Variants in EBF1 observed in about 807,000 individuals in gnomAD.
EBF1 encodes EBF transcription factor 1.
A neutral mutation model predicts 68.4 loss-of-function variants in EBF1; 10 were observed. The observed-to-expected ratio is 0.15, with a 90% CI of 0.09 to 0.25. The LOEUF is 0.25. EBF1 is among the 10% of genes least tolerant of loss of function. The pLI, the probability that EBF1 is intolerant of heterozygous loss-of-function variation, is 1.00. For missense variants in EBF1, 509 were observed against 794.4 expected, an observed-to-expected ratio of 0.64 and a Z score of 4.32; for synonymous variants, 298 against 299.8, an observed-to-expected ratio of 0.99 and a Z score of 0.06.
chr5:159,055,639 G>T (rs1024162666), intron 6 of EBF1, among the ~76,000 whole-genome samples: 1 of 152,138 alleles, frequency 6.6e-6, no homozygotes, highest in Admixed American at 6.5e-5. Flanking sequence ...GCATAGTAGG[G>T]AATTAACCTA....
chr5:158,967,754 T>C (rs1444752581), intron 6 of EBF1, among the ~76,000 whole-genome samples: 2 of 152,192 alleles, frequency 1.3e-5, no homozygotes, highest in African/African-American at 4.8e-5. Context: ...AAGGCACATG[T>C]TAGCCCTGCT....
chr5:158,896,083 AAAAG>A (rs1243959886), intron 6 of EBF1, among the ~76,000 whole-genome samples: 1 of 152,214 alleles, frequency 6.6e-6, no homozygotes. Flanking sequence ...CAAAGTCAAT[AAAAG>A]AAAGAAATAA....
chr5:158,988,093 T>A (rs1309159516), intron 6 of EBF1, among the ~76,000 whole-genome samples: 2 of 152,182 alleles, frequency 1.3e-5, no homozygotes, highest in East Asian at 3.8e-4. Flanking sequence ...TGGAACATAG[T>A]AGGTGCTTAA....
intron 6 of EBF1, among the ~76,000 whole-genome samples, chr5:158,906,157 C>T (rs535918746): frequency 1.5e-4 from 23 of 151,902 alleles, no homozygotes; most frequent in Admixed American, 1.4e-3. Context: ...ACACACCTCC[C>T]CTCAAAGCTT....
At chr5:158,989,525 G>T (rs1296848812) in intron 6 of EBF1, among the ~76,000 whole-genome samples, 1 of 152,132 alleles carries the variant, frequency 6.6e-6, no homozygotes, top group African/African-American at 2.4e-5. Context: ...CCAATTGCAG[G>T]CATCCCTGTG....
intron 6 of EBF1, among the ~76,000 whole-genome samples, chr5:158,887,462 T>G (rs1273953312): frequency 6.6e-6 from 1 of 152,224 alleles, no homozygotes; most frequent in Non-Finnish European, 1.5e-5. Flanking sequence ...TGCAAAATTC[T>G]TGGGCCTAGA....
chr5:159,018,485 C>G (rs1448505169), intron 6 of EBF1, among the ~76,000 whole-genome samples: 2 of 152,230 alleles, frequency 1.3e-5, no homozygotes, highest in African/African-American at 4.8e-5. Flanking sequence ...GAGGCAGATA[C>G]ACAGTGAGTG....
In EBF1 at chr5:158,713,551, T is replaced by C. The variant is rs1284427320; in HGVS notation, c.1192-404A>G. On this transcript the variant is annotated intron_variant, in intron 12 of 15. Coordinates refer to ENST00000313708, the MANE Select transcript of EBF1 (RefSeq NM_024007.5). ...TACCCAGGGGGAGAGGAAGAGAGGC[T>C]GCAATTCACCTCCCCTATTGATGTT... Among the ~76,000 whole-genome samples, 3 of 152,178 alleles carry C rather than the reference T, an allele frequency of 2.0e-5. No homozygotes were observed. In the East Asian group the frequency reaches 5.8e-4, roughly 29 times the overall value.
intron 6 of EBF1, among the ~76,000 whole-genome samples, chr5:158,856,101 C>G (rs1441062348): frequency 4.6e-5 from 7 of 152,166 alleles, no homozygotes; most frequent in Admixed American, 4.6e-4. Flanking sequence ...AACAGAGATC[C>G]TTAATTCTTC....
At position 158,699,112 on chromosome 5, in the gene EBF1, C is replaced by A. The variant is rs771077164; in HGVS notation, c.1775G>T (p.Ter592LeuextTer9). The change falls in exon 16 of 16, where the codon TGA becomes TTA. Residue 592 changes from the stop codon to leucine, a stop_lost. Transcript: ENST00000313708. ...AISGMIVPPM* is the reference protein window; with the variant it reads ...AISGMIVPPML ...ATACAATTCTTCAAGGCAATTCTTT[C>A]ACATAGGAGGAACAATCATGCCAGA... 6.2e-7 allele frequency: 1 copy of A among 1,607,378 alleles called. No homozygotes were observed. The highest frequency in any genetic ancestry group is 8.5e-7 in the Non-Finnish European group (1 of 1,177,024).
chr5:159,021,389 A>G (rs1467756625), intron 6 of EBF1, among the ~76,000 whole-genome samples: 3 of 152,216 alleles, frequency 2.0e-5, no homozygotes, highest in Non-Finnish European at 4.4e-5. Flanking sequence ...GTGGTTTCCA[A>G]ACAGAATTCT....
intron 6 of EBF1, among the ~76,000 whole-genome samples, chr5:159,027,843 T>C (rs966098094): frequency 3.9e-5 from 6 of 152,170 alleles, no homozygotes; most frequent in African/African-American, 9.7e-5. Flanking sequence ...TTTGAGTAGA[T>C]CTTTGCAGCT....
At chr5:158,717,657 T>C (rs1761040684) in intron 11 of EBF1, among the ~76,000 whole-genome samples, 1 of 152,066 alleles carries the variant, frequency 6.6e-6, no homozygotes, top group Non-Finnish European at 1.5e-5. Context: ...AAATCCCTTT[T>C]GGGAATTAAA....
chr5:159,029,456 G>A (rs1768340646), intron 6 of EBF1, among the ~76,000 whole-genome samples: 1 of 152,168 alleles, frequency 6.6e-6, no homozygotes, highest in South Asian at 2.1e-4. Context: ...GGATTCTGCA[G>A]AGGGGCTTCA....
intron 6 of EBF1, among the ~76,000 whole-genome samples, chr5:158,898,883 G>A (rs1052200393): frequency 6.6e-6 from 1 of 152,132 alleles, no homozygotes; most frequent in African/African-American, 2.4e-5. Context: ...AAGAAATGTG[G>A]GAACGAAGCT....
At chr5:158,927,873 C>T (rs1810018013) in intron 6 of EBF1, among the ~76,000 whole-genome samples, 1 of 152,220 alleles carries the variant, frequency 6.6e-6, no homozygotes, top group Non-Finnish European at 1.5e-5. Context: ...ACCCTCTTTA[C>T]AGTTGAGGAA....
At chr5:158,845,446 G>A (rs532697655) in intron 6 of EBF1, among the ~76,000 whole-genome samples, 30 of 152,186 alleles carry the variant, frequency 2.0e-4, no homozygotes, top group African/African-American at 4.1e-4. Context: ...GAGGAACATC[G>A]GAACCTACTT....
intron 6 of EBF1, among the ~76,000 whole-genome samples, chr5:159,048,414 C>T (rs919967540): frequency 1.3e-5 from 2 of 152,184 alleles, no homozygotes; most frequent in Non-Finnish European, 2.9e-5. Context: ...CCTTCCACGG[C>T]ATGCCAACTC....
At chr5:158,874,236 T>C (rs1562185009) in intron 6 of EBF1, among the ~76,000 whole-genome samples, 1 of 152,184 alleles carries the variant, frequency 6.6e-6, no homozygotes, top group Non-Finnish European at 1.5e-5. Flanking sequence ...GCTTTTGATA[T>C]TTATTAACAT....
Sources: gnomAD v4.1 joint callset for allele counts (sites outside exome capture counted in the v4.1 genomes callset) on GRCh38, gnomAD v4.1.1 for gene constraint, MANE v1.5 for transcripts, NCBI Gene and HGNC (gene_info 2026-07-23, HGNC 2026-07-21) for gene names.